The following FANCC variants were observed in gnomAD, a reference collection of about 807,000 sequenced individuals.
The protein encoded by FANCC is Fanconi anemia group C protein.
In FANCC, 55 loss-of-function variants were observed where a neutral mutation model predicts 71.3. The observed-to-expected ratio is 0.77, with a 90% confidence interval of 0.62 to 0.97. The LOEUF is 0.97. FANCC is among the 50% of genes least tolerant of loss of function. The pLI, the probability that FANCC is intolerant of heterozygous loss-of-function variation, is 0.00. For missense variants in FANCC, 678 were observed against 670.9 expected (o/e 1.01, Z -0.12); for synonymous variants, 275 against 244.9 (o/e 1.12, Z -1.15).
intron 1 of FANCC, among the ~76,000 whole-genome samples, chr9:95,276,049 TG>T (rs1833019196): frequency 6.6e-6 from 1 of 152,182 alleles, no homozygotes; most frequent in African/African-American, 2.4e-5. Flanking sequence ...GCCAGATGCT[TG>T]GTTTTTCCAG....
intron 13 of FANCC, among the ~76,000 whole-genome samples, chr9:95,108,402 A>C (rs1226463530): frequency 6.6e-6 from 1 of 152,216 alleles, no homozygotes; most frequent in Non-Finnish European, 1.5e-5. Context: ...GTCTGCAAAA[A>C]TGTCAGGGTT....
intron 8 of FANCC, among the ~76,000 whole-genome samples, chr9:95,131,533 C>T (rs1826914016): frequency 6.6e-6 from 1 of 152,174 alleles, no homozygotes; most frequent in South Asian, 2.1e-4. Context: ...ATCTGGTGCC[C>T]CCCTGAGGCT....
At chr9:95,117,112 G>A (rs1588069954) in intron 11 of FANCC, among the ~76,000 whole-genome samples, 1 of 152,140 alleles carries the variant, frequency 6.6e-6, no homozygotes, top group South Asian at 2.1e-4. Flanking sequence ...TCTTCTTTTG[G>A]TAAGTGATCA....
chr9:95,303,751 A>G (rs1834898313), intron 1 of FANCC, among the ~76,000 whole-genome samples: 1 of 152,210 alleles, frequency 6.6e-6, no homozygotes, highest in South Asian at 2.1e-4. Context: ...TAAAGGCTCC[A>G]TCTCCAAATA....
At chr9:95,153,578 G>A (rs1370448189) in intron 6 of FANCC, among the ~76,000 whole-genome samples, 1 of 152,094 alleles carries the variant, frequency 6.6e-6, no homozygotes, top group Admixed American at 6.5e-5. Flanking sequence ...CTGATGATTC[G>A]TGATGTTGAG....
chr9:95,099,120 TA>T lies in FANCC; in HGVS notation c.*2586del. 1 of 208,074 alleles carries T rather than the reference TA, an allele frequency of 4.8e-6. No homozygotes were observed. Among genetic ancestry groups the T allele is most frequent in the Non-Finnish European group, 9.8e-6 (1 of 102,216 alleles). The allele number at this position is 208,074 out of a possible 1,614,324, so 12.9% of individuals were successfully genotyped here. A position where few individuals can be genotyped will look rare whatever the true frequency, so the allele number is the denominator to read the frequency against. On this transcript the variant is annotated 3_prime_UTR_variant, in exon 15 of 15. Coordinates refer to ENST00000289081, the MANE Select transcript of FANCC (RefSeq NM_000136.3). The stretch of plus-strand genomic sequence containing the variant: ...CAACAAATTACAGATTTTAAAGAGC[TA>T]AAAAATTCCACAGATGTCACGGAGT...
At chr9:95,302,104 A>G (rs1201258720) in intron 1 of FANCC, among the ~76,000 whole-genome samples, 2 of 151,546 alleles carry the variant, frequency 1.3e-5, no homozygotes, top group Non-Finnish European at 2.9e-5. Context: ...AAAACAAAGA[A>G]AAAAACAAAA....
At chr9:95,166,051 A>AT (rs1167003678) in intron 6 of FANCC, among the ~76,000 whole-genome samples, 1 of 152,022 alleles carries the variant, frequency 6.6e-6, no homozygotes, top group Non-Finnish European at 1.5e-5. Flanking sequence ...ATAGTTTGAT[A>AT]TAAGTATGGC....
chr9:95,225,960 T>C (rs937066701), intron 4 of FANCC, among the ~76,000 whole-genome samples: 1 of 152,172 alleles, frequency 6.6e-6, no homozygotes, highest in Non-Finnish European at 1.5e-5. Context: ...TTAGACCTTA[T>C]GTGTGGAATG....
intron 4 of FANCC, among the ~76,000 whole-genome samples, chr9:95,188,026 C>G (rs888170793): frequency 6.6e-6 from 1 of 152,242 alleles, no homozygotes; most frequent in African/African-American, 2.4e-5. Flanking sequence ...GGCTAGAGAT[C>G]TGGCTCATAG....
At chr9:95,249,475 T>C (rs950208876) in intron 1 of FANCC, 106 bp from the exon 2 acceptor site, 19 of 622,900 alleles carry the variant, frequency 3.1e-5, no homozygotes, top group Middle Eastern at 3.8e-4. Context: ...TAAAATAGCA[T>C]GGCTTCTATG....
intron 4 of FANCC, among the ~76,000 whole-genome samples, chr9:95,188,963 C>T (rs1289967283): frequency 1.3e-5 from 2 of 152,124 alleles, no homozygotes; most frequent in East Asian, 3.9e-4. Context: ...AAAAGAATTT[C>T]CTTTCATTTA....
At chr9:95,312,684 G>A (rs577087726) in intron 1 of FANCC, among the ~76,000 whole-genome samples, 2 of 152,370 alleles carry the variant, frequency 1.3e-5, no homozygotes, top group Non-Finnish European at 2.9e-5. Context: ...CAGGACTGGA[G>A]TAACAAGGTG....
chr9:95,112,189 CTTGTT>C (rs2071999948), intron 12 of FANCC, among the ~76,000 whole-genome samples: 1 of 152,224 alleles, frequency 6.6e-6, no homozygotes, highest in Non-Finnish European at 1.5e-5. Context: ...AGTTGCAATA[CTTGTT>C]TTAAGGGTAG....
chr9:95,208,756 G>C (rs544475754), intron 4 of FANCC, among the ~76,000 whole-genome samples: 1 of 152,188 alleles, frequency 6.6e-6, no homozygotes, highest in African/African-American at 2.4e-5. Flanking sequence ...TGATAAGGAT[G>C]TATAACAACA....
chr9:95,309,086 C>T (rs1835233326), intron 1 of FANCC, among the ~76,000 whole-genome samples: 1 of 152,156 alleles, frequency 6.6e-6, no homozygotes, highest in African/African-American at 2.4e-5. Context: ...TCATATTATA[C>T]CATTTCATAT....
intron 13 of FANCC, chr9:95,110,480 A>G (rs2071830591): frequency 1.6e-5 from 16 of 1,030,566 alleles, no homozygotes; most frequent in Non-Finnish European, 1.9e-5. Flanking sequence ...CTTTTTAATC[A>G]GACAGCAATC....
At chr9:95,191,327 C>CTTTTTTT (rs71366278) in intron 4 of FANCC, among the ~76,000 whole-genome samples, 2 of 53,920 alleles carry the variant, frequency 3.7e-5, no homozygotes, top group African/African-American at 7.9e-5. Context: ...ATCCTACTTC[C>CTTTTTTT]TTTTTTTTTT....
chr9:95,143,214 G>A (rs1244181187), intron 7 of FANCC, among the ~76,000 whole-genome samples: 1 of 152,242 alleles, frequency 6.6e-6, no homozygotes, highest in Non-Finnish European at 1.5e-5. Flanking sequence ...AGGCCTGGGG[G>A]AAAGTTCTGA....
Sources: allele counts gnomAD v4.1 joint callset (sites outside exome capture counted in the v4.1 genomes callset), GRCh38; gene constraint gnomAD v4.1.1; transcripts MANE v1.5; gene names NCBI Gene and HGNC (gene_info 2026-07-23, HGNC 2026-07-21).